The following ARAP2 variants were observed in gnomAD, a reference collection of about 807,000 sequenced individuals.
ARAP2 encodes ArfGAP with RhoGAP domain, ankyrin repeat and PH domain 2.
ARAP2 carries 148 observed loss-of-function variants against 194.5 expected under a neutral mutation model. That is an observed-to-expected ratio of 0.76 (90% CI 0.67 to 0.87). The LOEUF (loss-of-function observed/expected upper bound fraction) is 0.87, where lower values mean the gene tolerates loss of function less well. ARAP2 is among the 40% of genes least tolerant of loss of function. The pLI, the probability that ARAP2 is intolerant of heterozygous loss-of-function variation, is 0.00. For missense variants in ARAP2, 2,128 were observed against 1,989.7 expected (o/e 1.07, Z -1.32); for synonymous variants, 695 against 683.5 (o/e 1.02, Z -0.26).
intron 8 of ARAP2, among the ~76,000 whole-genome samples, 160 bp downstream of exon 8, chr4:36,187,287 CTTAT>C (rs1740784321): frequency 6.6e-6 from 1 of 152,198 alleles, no homozygotes; most frequent in African/African-American, 2.4e-5. Context: ...AACTTGTCAA[CTTAT>C]TTATGTTTTA....
At chr4:36,160,966 G>T (rs1195338492) in intron 12 of ARAP2, among the ~76,000 whole-genome samples, 1 of 152,160 alleles carries the variant, frequency 6.6e-6, no homozygotes, top group South Asian at 2.1e-4. Flanking sequence ...GTGGGCTAAT[G>T]CTGTCTGAAG....
chr4:36,069,429 C>T (rs1227169694), intron 32 of ARAP2, among the ~76,000 whole-genome samples: 1 of 151,800 alleles, frequency 6.6e-6, no homozygotes, highest in Non-Finnish European at 1.5e-5. Flanking sequence ...GTAAATACAA[C>T]CAATGCCACT....
chr4:36,121,896 C>T (rs1179946166), intron 22 of ARAP2, among the ~76,000 whole-genome samples: 3 of 151,680 alleles, frequency 2.0e-5, no homozygotes, highest in African/African-American at 7.3e-5. Flanking sequence ...AATGCAATTA[C>T]ATTTTTCTTG....
At chr4:36,128,869 G>A (rs1724662941) in intron 20 of ARAP2, 124 bp from the exon 21 acceptor site, 1 of 766,414 alleles carries the variant, frequency 1.3e-6, no homozygotes, top group East Asian at 2.7e-5. Context: ...CGCAAGAGAT[G>A]ATATAAACAT....
chr4:36,192,996 CAAAAAAGAA>C (rs1342244833), intron 7 of ARAP2, among the ~76,000 whole-genome samples: 1 of 151,550 alleles, frequency 6.6e-6, no homozygotes, highest in African/African-American at 2.4e-5. Context: ...ACTCTGTCTC[CAAAAAAGAA>C]AAAAAAGAAA....
intron 27 of ARAP2, among the ~76,000 whole-genome samples, chr4:36,099,895 A>T (rs61010526): frequency 5.3e-5 from 8 of 152,090 alleles, no homozygotes; most frequent in African/African-American, 1.9e-4. Flanking sequence ...TAATGGAGGG[A>T]GGACATAATT....
At chr4:36,040,658 T>C (rs1311872836) in intron 5 of ARAP2, among the ~76,000 whole-genome samples, 1 of 151,472 alleles carries the variant, frequency 6.6e-6, no homozygotes, top group African/African-American at 2.4e-5. Context: ...CGTTGGTGTA[T>C]AGGAATGCTA....
intron 6 of ARAP2, among the ~76,000 whole-genome samples, chr4:36,199,436 C>A (rs1205829727): frequency 6.6e-6 from 1 of 152,110 alleles, no homozygotes; most frequent in African/African-American, 2.4e-5. Flanking sequence ...GGACTACAGG[C>A]ACATGCCACC....
chr4:36,231,616 T>G (rs1349817507), intron 1 of ARAP2, among the ~76,000 whole-genome samples: 1 of 152,126 alleles, frequency 6.6e-6, no homozygotes, highest in African/African-American at 2.4e-5. Context: ...TGAAGTAGAA[T>G]AAAGTATAAA....
chr4:36,106,043 C>T (rs2109457980), intron 27 of ARAP2, among the ~76,000 whole-genome samples: 1 of 152,018 alleles, frequency 6.6e-6, no homozygotes, highest in East Asian at 1.9e-4. Context: ...TCAGCAGTGA[C>T]CCTTGGTCTG....
chr4:36,058,164 T>G (rs1204853216), intron 1 of ARAP2: 1 of 152,192 alleles, frequency 6.6e-6, no homozygotes, highest in African/African-American at 2.4e-5. Context: ...GTAAATACAA[T>G]TGAATTTTTG....
chr4:36,051,272 A>C (rs560789438), intron 3 of ARAP2, among the ~76,000 whole-genome samples: 2 of 152,234 alleles, frequency 1.3e-5, no homozygotes, highest in South Asian at 4.2e-4. Flanking sequence ...GAGGCTGAGG[A>C]GCTCGAGACA....
chr4:36,228,863 C>T lies in ARAP2; in HGVS notation c.624G>A (p.Lys208=). 6.2e-7 allele frequency: 1 copy of T among 1,614,086 alleles called. No individual in the cohort carries two copies. Among genetic ancestry groups the T allele is most frequent in the Non-Finnish European group, 8.5e-7 (1 of 1,180,000 alleles). Residue 208 remains lysine (K), a synonymous_variant, in exon 2 of 33, where the codon AAG becomes AAA. Coordinates refer to ENST00000303965, the MANE Select transcript of ARAP2 (RefSeq NM_015230.4). The part of the protein sequence containing the change: ...KVKLITENLS[K]LPNADSECLS... ...GGCATTCAGAGTCTGCATTAGGGAG[C>T]TTACTGAGATTTTCTGTGATCAATT...
At chr4:36,221,953 C>T (rs777086954) in intron 2 of ARAP2, among the ~76,000 whole-genome samples, 3 of 152,098 alleles carry the variant, frequency 2.0e-5, no homozygotes, top group Admixed American at 6.6e-5. Context: ...ATTCTGCCAG[C>T]GCAAGTCCCA....
Position 36,067,927 on chromosome 4 carries a change from C to A in ARAP2, c.5095G>T (p.Asp1699Tyr). 1 of 1,582,698 alleles carries A rather than the reference C, an allele frequency of 6.3e-7. No individual in the cohort carries two copies. The highest frequency in any genetic ancestry group is 8.6e-7 in the Non-Finnish European group (1 of 1,162,314). The change falls in exon 33 of 33, where the codon GAT becomes TAT. Residue 1699 changes from aspartate to tyrosine, a missense_variant. Transcript: ENST00000303965. ...ATTTCCTACTTCAAAATCTGCTCAT[C>A]CTGTAATTCTTTTGGAAGGGTTCTT... ...RSRTLPKELQ[D>Y]EQILK
chr4:36,015,663 A>G (rs1263275217), intron 7 of ARAP2: 1 of 152,202 alleles, frequency 6.6e-6, no homozygotes, highest in African/African-American at 2.4e-5. Context: ...TAGGCTATGG[A>G]ACTCACAGAA....
chr4:36,027,903 C>T (rs1231003020), intron 5 of ARAP2, among the ~76,000 whole-genome samples: 1 of 152,162 alleles, frequency 6.6e-6, no homozygotes, highest in Non-Finnish European at 1.5e-5. Flanking sequence ...AGCTGTGTGA[C>T]AGCACTGGAT....
intron 27 of ARAP2, among the ~76,000 whole-genome samples, chr4:36,094,755 C>T (rs1296464769): frequency 6.6e-6 from 1 of 152,126 alleles, no homozygotes; most frequent in Non-Finnish European, 1.5e-5. Flanking sequence ...AAGCACTGTG[C>T]TAGCCCTTTC....
downstream of ARAP2, among the ~76,000 whole-genome samples, chr4:36,064,850 G>A (rs753513580): frequency 1.3e-5 from 2 of 152,206 alleles, no homozygotes; most frequent in Non-Finnish European, 2.9e-5. Flanking sequence ...ATAAAGGAGA[G>A]AAAAGACATT....
Sources: allele counts gnomAD v4.1 joint callset (sites outside exome capture counted in the v4.1 genomes callset), GRCh38; gene constraint gnomAD v4.1.1; transcripts MANE v1.5; gene names NCBI Gene and HGNC (gene_info 2026-07-23, HGNC 2026-07-21).